Variants in PDE1C observed in about 807,000 individuals in gnomAD.
PDE1C encodes the protein dual specificity calcium/calmodulin-dependent 3',5'-cyclic nucleotide phosphodiesterase 1C.
PDE1C carries 62 observed loss-of-function variants against 93.1 expected under a neutral mutation model. That is an observed-to-expected ratio of 0.67 (90% CI 0.54 to 0.82). The LOEUF (loss-of-function observed/expected upper bound fraction) is 0.82, where lower values mean the gene tolerates loss of function less well. Among genes scored for constraint, PDE1C ranks in the 40% least tolerant of loss-of-function variants. The probability of loss-of-function intolerance (pLI) is 0.00; values close to 1 mark genes in which losing one functional copy is unlikely to be tolerated. For missense variants in PDE1C, 742 were observed against 884.6 expected, an observed-to-expected ratio of 0.84 and a Z score of 2.04; for synonymous variants, 325 against 310.1, an observed-to-expected ratio of 1.05 and a Z score of -0.50.
At chr7:32,204,563 G>C (rs1229248106) in intron 2 of PDE1C, among the ~76,000 whole-genome samples, 1 of 152,172 alleles carries the variant, frequency 6.6e-6, no homozygotes, top group African/African-American at 2.4e-5. Context: ...CTAGAGGAGA[G>C]GGATGCCACC....
intron 1 of PDE1C, among the ~76,000 whole-genome samples, chr7:32,278,208 G>T (rs1811413735): frequency 6.6e-6 from 1 of 150,910 alleles, no homozygotes; most frequent in South Asian, 2.1e-4. Flanking sequence ...ATTGGAAACA[G>T]GTTTAGAACC....
At chr7:32,190,181 G>A (rs1017567601) in intron 2 of PDE1C, among the ~76,000 whole-genome samples, 35 of 152,258 alleles carry the variant, frequency 2.3e-4, no homozygotes, top group Middle Eastern at 3.4e-3. Context: ...TTCAAGAATC[G>A]CAGCTGCAAA....
At chr7:32,347,350 T>C (rs1009902071) in intron 1 of PDE1C, among the ~76,000 whole-genome samples, 2 of 152,200 alleles carry the variant, frequency 1.3e-5, no homozygotes, top group African/African-American at 4.8e-5. Flanking sequence ...TTTATTGACC[T>C]CTCAGTCTTT....
chr7:31,684,736 T>G, the PDE1C span, among the ~76,000 whole-genome samples: 1 of 152,172 alleles, frequency 6.6e-6, no homozygotes, highest in Non-Finnish European at 1.5e-5. Context: ...TGAACCTACC[T>G]CTGAGAATGG....
chr7:32,350,569 TATATATATATATATATATATA>T (rs1413617475), intron 1 of PDE1C, among the ~76,000 whole-genome samples: 48 of 2,688 alleles, frequency 0.018, 9 homozygotes, highest in East Asian at 0.022. Context: ...TATATATATA[TATATATATATATATATATATA>T]TTTTTTTTTT....
intron 3 of PDE1C, among the ~76,000 whole-genome samples, chr7:32,112,840 G>GTATA (rs1563322964): frequency 1.0e-3 from 55 of 53,644 alleles, no homozygotes; most frequent in Admixed American, 2.0e-3. Context: ...GTGTGTGTGT[G>GTATA]TGTGTGTATA....
At position 32,057,725 on chromosome 7, in the gene PDE1C, A is replaced by G. The variant is rs757856379; in HGVS notation, c.102-6145T>C. ...AGTAAAGATAAGCAGGCAAACAGCG[A>G]GAAACAACAGTGAGGTGGGAGCAAG... On this transcript the variant is annotated intron_variant, in intron 1 of 17. Transcript: ENST00000396191. Among the ~76,000 whole-genome samples, 40 of 152,330 alleles carry G rather than the reference A, an allele frequency of 2.6e-4. 1 individual carries two copies. Among genetic ancestry groups the G allele is most frequent in the Non-Finnish European group, 2.9e-5 (2 of 68,030 alleles).
At chr7:31,722,765 T>C in the PDE1C span, among the ~76,000 whole-genome samples, 1 of 152,166 alleles carries the variant, frequency 6.6e-6, no homozygotes, top group African/African-American at 2.4e-5. Flanking sequence ...TAAGCCAGCA[T>C]GATTGGAGTG....
the PDE1C span, among the ~76,000 whole-genome samples, chr7:31,678,313 T>C: frequency 6.6e-6 from 1 of 152,148 alleles, no homozygotes; most frequent in Non-Finnish European, 1.5e-5. Flanking sequence ...GGATAACCTT[T>C]CCAGATAGTA....
At chr7:31,701,091 T>C in the PDE1C span, among the ~76,000 whole-genome samples, 1 of 152,236 alleles carries the variant, frequency 6.6e-6, no homozygotes, top group African/African-American at 2.4e-5. Context: ...ATACATGTTT[T>C]GCAAACCTAG....
chr7:32,227,543 G>A (rs1807385162), intron 1 of PDE1C, among the ~76,000 whole-genome samples: 1 of 152,138 alleles, frequency 6.6e-6, no homozygotes, highest in Admixed American at 6.5e-5. Context: ...CAGGGGCACT[G>A]AAAGACACCA....
chr7:31,949,005 G>A (rs2129011944), intron 2 of PDE1C, among the ~76,000 whole-genome samples: 1 of 152,282 alleles, frequency 6.6e-6, no homozygotes, highest in Admixed American at 6.5e-5. Flanking sequence ...GGGTGGGGGT[G>A]AGGCTGACAC....
chr7:31,897,758 T>C (rs532461987), intron 2 of PDE1C, among the ~76,000 whole-genome samples: 229 of 152,340 alleles, frequency 1.5e-3, no homozygotes, highest in African/African-American at 5.0e-3. Flanking sequence ...TTGTTTTTCC[T>C]GAATAAAGCA....
chr7:32,335,717 TTTG>T (rs1783605687), intron 1 of PDE1C, among the ~76,000 whole-genome samples: 1 of 63,198 alleles, frequency 1.6e-5, no homozygotes, highest in African/African-American at 8.5e-5. Flanking sequence ...TGTTTTTTTG[TTTG>T]TTTGTTTGTT....
At chr7:31,965,128 G>A (rs1390266574) in intron 2 of PDE1C, among the ~76,000 whole-genome samples, 3 of 152,182 alleles carry the variant, frequency 2.0e-5, no homozygotes, top group Non-Finnish European at 4.4e-5. Flanking sequence ...GACGAGTTGA[G>A]AGAAGAAGGC....
chr7:31,950,641 C>A (rs1807241073), intron 2 of PDE1C, among the ~76,000 whole-genome samples: 1 of 152,148 alleles, frequency 6.6e-6, no homozygotes, highest in Non-Finnish European at 1.5e-5. Flanking sequence ...AGAGTTACAG[C>A]AATAAACTTG....
chr7:31,998,502 T>C (rs1431504593), intron 2 of PDE1C, among the ~76,000 whole-genome samples: 2 of 152,202 alleles, frequency 1.3e-5, no homozygotes, highest in East Asian at 3.8e-4. Context: ...CGAATGATCA[T>C]TGTCAACTAT....
chr7:31,785,517 T>C (rs1783834510), intron 16 of PDE1C: 2 of 152,178 alleles, frequency 1.3e-5, no homozygotes. Context: ...CAGGAATTAA[T>C]ATGTTTAAAC....
At chr7:32,006,248 G>T (rs1786236138) in intron 2 of PDE1C, among the ~76,000 whole-genome samples, 1 of 151,714 alleles carries the variant, frequency 6.6e-6, no homozygotes, top group Admixed American at 6.6e-5. Flanking sequence ...TGTTTTTTTG[G>T]CATGTTAATT....
Sources: allele counts gnomAD v4.1 joint callset (sites outside exome capture counted in the v4.1 genomes callset), GRCh38; gene constraint gnomAD v4.1.1; transcripts MANE v1.5; gene names NCBI Gene and HGNC (gene_info 2026-07-23, HGNC 2026-07-21).